The following CPS1 variants were observed in gnomAD, a reference collection of about 807,000 sequenced individuals.
CPS1 encodes carbamoyl-phosphate synthase 1.
CPS1 carries 109 observed loss-of-function variants against 174.6 expected under a neutral mutation model. That is an observed-to-expected ratio of 0.62 (90% CI 0.53 to 0.73). CPS1 has a LOEUF of 0.73. Among genes scored for constraint, CPS1 ranks in the 30% least tolerant of loss-of-function variants. The probability of loss-of-function intolerance (pLI) is 0.00; values close to 1 mark genes in which losing one functional copy is unlikely to be tolerated. For synonymous variants in CPS1, 637 were observed against 632.0 expected (o/e 1.01, Z -0.12); for missense variants, 1,689 against 1,821.9 (o/e 0.93, Z 1.33).
At chr2:210,579,184 C>A (rs966097598) in intron 4 of CPS1, among the ~76,000 whole-genome samples, 1 of 152,090 alleles carries the variant, frequency 6.6e-6, no homozygotes, top group African/African-American at 2.4e-5. Flanking sequence ...TTTCTTGATT[C>A]CTAACTCATT....
In CPS1 at chr2:210,505,602, C is replaced by T. The variant is rs549949214; in HGVS notation, c.3+27836C>T. Among the ~76,000 whole-genome samples, 14 of 152,228 alleles carry T rather than the reference C, an allele frequency of 9.2e-5. No individual in the cohort carries two copies. The South Asian group carries it at 1.2e-3, about 14-fold the overall frequency. On this transcript the variant is annotated intron_variant, in intron 1 of 38. Transcript: ENST00000430249. ...GAAGCAGGGCGAGCATCGCCTCACC[C>T]GGGAAGCACAAGGGGTCAGGGAATT...
chr2:210,512,879 G>GATATATATATATGGAGAT (rs556011365), intron 1 of CPS1, among the ~76,000 whole-genome samples: 2 of 70,324 alleles, frequency 2.8e-5, no homozygotes, highest in East Asian at 8.5e-4. Flanking sequence ...TATATATAGA[G>GATATATATATATGGAGAT]ATATATATAT....
In CPS1 at chr2:210,602,299, A is replaced by G. The variant is rs776329081; in HGVS notation, c.1805A>G (p.Asn602Ser). The G allele has an allele frequency of 6.8e-6, 11 of 1,612,496 alleles. No homozygotes were observed. In the African/African-American group the frequency reaches 1.1e-4, roughly 16 times the overall value. ...GGGTTAGGCTCAGGCATCTGTCCCA[A>G]CAGAGAGACTTTGATGGACCTCAGC... is the stretch of plus-strand genomic sequence containing the variant. ...LGGLGSGICP[N>S]RETLMDLSTK... The change falls in exon 16 of 38, where the codon AAC becomes AGC. Residue 602 changes from asparagine (N) to serine (S), a missense_variant. By Grantham distance (46) the Asn-to-Ser change is conservative. Transcript: ENST00000233072.
At chr2:210,503,482 C>T (rs1695200560) in intron 1 of CPS1, among the ~76,000 whole-genome samples, 1 of 152,066 alleles carries the variant, frequency 6.6e-6, no homozygotes, top group Non-Finnish European at 1.5e-5. Context: ...TGTGTTCTCC[C>T]CTTCTCTGTG....
chr2:210,636,469 T>A (rs115525066), intron 21 of CPS1, among the ~76,000 whole-genome samples: 1 of 151,912 alleles, frequency 6.6e-6, no homozygotes, highest in Non-Finnish European at 1.5e-5. Context: ...TTTATTTATT[T>A]TCATAAATAT....
At chr2:210,605,414 A>G (rs940417506) in intron 17 of CPS1, among the ~76,000 whole-genome samples, 168 bp downstream of exon 17, 1 of 151,940 alleles carries the variant, frequency 6.6e-6, no homozygotes, top group Non-Finnish European at 1.5e-5. Flanking sequence ...ATGTTCTCAC[A>G]TTTAATTTGA....
chr2:210,613,497 C>A (rs1385008853), intron 20 of CPS1, among the ~76,000 whole-genome samples: 9 of 151,632 alleles, frequency 5.9e-5, no homozygotes. Flanking sequence ...AGCCATTTCA[C>A]CTTCATCATT....
intron 19 of CPS1, 24 bp from the exon 20 acceptor site, chr2:210,612,093 T>C (rs778196436): frequency 6.8e-6 from 11 of 1,606,790 alleles, no homozygotes; most frequent in African/African-American, 2.7e-5. Context: ...TCTTTCAATA[T>C]GAGGTCTTAA....
chr2:210,562,599 C>A, intron 1 of CPS1, among the ~76,000 whole-genome samples: 1 of 152,128 alleles, frequency 6.6e-6, no homozygotes, highest in East Asian at 1.9e-4. Flanking sequence ...AGGCTTTCTA[C>A]TTTTCAGTGC....
intron 1 of CPS1, among the ~76,000 whole-genome samples, chr2:210,572,581 G>A (rs750578357): frequency 1.8e-4 from 28 of 151,966 alleles, no homozygotes; most frequent in Non-Finnish European, 4.0e-4. Flanking sequence ...GGTAGACACT[G>A]GCTCAAAGAT....
chr2:210,600,003 A>T (rs1440413583), intron 14 of CPS1, among the ~76,000 whole-genome samples: 1 of 151,876 alleles, frequency 6.6e-6, no homozygotes, highest in Non-Finnish European at 1.5e-5. Context: ...ACTTCTGCTG[A>T]GTCTACTGCT....
At chr2:210,629,840 G>T (rs1238510847) in intron 21 of CPS1, among the ~76,000 whole-genome samples, 2 of 148,724 alleles carry the variant, frequency 1.3e-5, no homozygotes, top group Non-Finnish European at 3.0e-5. Flanking sequence ...CATGAGGTCA[G>T]GAGATCGAGA....
chr2:210,648,034 C>A lies in CPS1; in HGVS notation c.3313C>A (p.Pro1105Thr). 1 of 1,613,938 alleles carries A rather than the reference C, an allele frequency of 6.2e-7. No homozygotes were observed. The highest frequency in any genetic ancestry group is 8.5e-7 in the Non-Finnish European group (1 of 1,179,894). Residue 1105 changes from proline (P) to threonine (T), a missense_variant, in exon 26 of 38, where the codon CCT (proline) becomes ACT (threonine). Coordinates refer to ENST00000233072, the MANE Select transcript of CPS1 (RefSeq NM_001875.5). Reference sequence around the variant, plus strand: ...GGATGAGCTGAAGGTGGCTCAGGCACCTTGGAAAGCTGTTAATACTTTGGT... The same window carrying A: ...GGATGAGCTGAAGGTGGCTCAGGCAACTTGGAAAGCTGTTAATACTTTGGT... ...VLDELKVAQA[P>T]WKAVNTLNEA... is the part of the protein sequence containing the mutation.
At chr2:210,669,370 G>A (rs1701217235) in intron 34 of CPS1, among the ~76,000 whole-genome samples, 1 of 152,066 alleles carries the variant, frequency 6.6e-6, no homozygotes, top group African/African-American at 2.4e-5. Context: ...TGGGTCCTAT[G>A]AAAAACAACA....
chr2:210,525,614 G>A (rs1034547899), intron 1 of CPS1, among the ~76,000 whole-genome samples: 7 of 151,612 alleles, frequency 4.6e-5, no homozygotes, highest in Non-Finnish European at 8.8e-5. Context: ...AATTTTGGCA[G>A]TGATAAGGGA....
chr2:210,493,739 G>A (rs1694922943), intron 1 of CPS1, among the ~76,000 whole-genome samples: 1 of 152,166 alleles, frequency 6.6e-6, no homozygotes, highest in Non-Finnish European at 1.5e-5. Context: ...GGAAGTTGTT[G>A]TTTTTCAGTC....
Position 210,584,271 on chromosome 2 carries a change from G to A in CPS1, c.621+1562G>A, listed in dbSNP as rs970176456. Reference sequence around the variant, plus strand: ...AGCCTATGTGGCATCACAGCTATTGGCTGGTTCTACCTTGGGGTTTATTTA... The same window carrying A: ...AGCCTATGTGGCATCACAGCTATTGACTGGTTCTACCTTGGGGTTTATTTA... On this transcript the variant is annotated intron_variant, in intron 6 of 37. Coordinates refer to ENST00000233072, the MANE Select transcript of CPS1 (RefSeq NM_001875.5). 2.0e-5 allele frequency among the ~76,000 whole-genome samples: 3 copies of A among 152,072 alleles called. No individual in the cohort carries two copies. The South Asian group carries it at 6.2e-4, about 32-fold the overall frequency.
At chr2:210,652,706 T>C (rs1401771226) in intron 28 of CPS1, among the ~76,000 whole-genome samples, 1 of 152,162 alleles carries the variant, frequency 6.6e-6, no homozygotes, top group East Asian at 1.9e-4. Context: ...GGATATGATT[T>C]AAAGGCAAGG....
intron 1 of CPS1, among the ~76,000 whole-genome samples, chr2:210,526,831 A>G (rs1261529417): frequency 6.6e-6 from 1 of 152,022 alleles, no homozygotes; most frequent in Non-Finnish European, 1.5e-5. Context: ...AATTGCAAGC[A>G]TAGTATTGAA....
Sources: allele counts gnomAD v4.1 joint callset (sites outside exome capture counted in the v4.1 genomes callset), GRCh38; gene constraint gnomAD v4.1.1; transcripts MANE v1.5; gene names NCBI Gene and HGNC (gene_info 2026-07-23, HGNC 2026-07-21).